The following C12orf42 variants were observed in gnomAD, a reference collection of about 807,000 sequenced individuals.
C12orf42 encodes chromosome 12 open reading frame 42, also known as uncharacterized protein C12orf42.
A neutral mutation model predicts 21.6 loss-of-function variants in C12orf42; 25 were observed. The observed-to-expected ratio is 1.16, with a 90% CI of 0.84 to 1.62. The LOEUF is 1.62. Ranked by LOEUF, C12orf42 falls within the 40% of genes most tolerant of loss-of-function variation. The probability of loss-of-function intolerance (pLI) is 0.00; values close to 1 mark genes in which losing one functional copy is unlikely to be tolerated. For missense variants in C12orf42, 483 were observed against 459.3 expected (o/e 1.05, Z -0.47); for synonymous variants, 174 against 175.0 (o/e 0.99, Z 0.05).
chr12:103,561,850 A>C, the C12orf42 span, among the ~76,000 whole-genome samples: 5 of 152,240 alleles, frequency 3.3e-5, no homozygotes, highest in Middle Eastern at 3.4e-3. Context: ...GACTTTTCAA[A>C]TGTTTTGATC....
the C12orf42 span, among the ~76,000 whole-genome samples, chr12:103,536,858 C>T: frequency 6.6e-6 from 1 of 152,140 alleles, no homozygotes; most frequent in African/African-American, 2.4e-5. Context: ...CTTAAAATTC[C>T]AGTTTCTCCT....
In C12orf42 at chr12:103,403,269, C is replaced by T. The variant is rs188403114; in HGVS notation, c.79-1594G>A. ...CGGGCGCCTGTAGTCCCAGCTGCTC[C>T]GGAGGCTGAGGCAGGGGAATGGCGT... On this transcript the variant is annotated intron_variant, in intron 2 of 5. Coordinates refer to ENST00000548883, the MANE Select transcript of C12orf42 (RefSeq NM_198521.5). 7.2e-4 allele frequency among the ~76,000 whole-genome samples: 109 copies of T among 151,598 alleles called. 1 individual carries two copies. The highest frequency in any genetic ancestry group is 7.2e-4 in the Non-Finnish European group (49 of 67,886).
chr12:103,120,216 T>G, the C12orf42 span, among the ~76,000 whole-genome samples: 1 of 152,194 alleles, frequency 6.6e-6, no homozygotes, highest in East Asian at 1.9e-4. Flanking sequence ...AGGAGTGTTT[T>G]GGGGCAATGT....
chr12:103,214,634 T>C, the C12orf42 span, among the ~76,000 whole-genome samples: 2 of 152,204 alleles, frequency 1.3e-5, no homozygotes, highest in African/African-American at 4.8e-5. Context: ...GAAAATCAAG[T>C]TCTCCCCAGG....
intron 10 of C12orf42, among the ~76,000 whole-genome samples, chr12:103,251,569 G>A (rs192703833): frequency 4.6e-4 from 70 of 152,232 alleles, no homozygotes; most frequent in Non-Finnish European, 4.3e-4. Flanking sequence ...TATACGTTCT[G>A]TAGAAAGGAC....
At chr12:103,490,536 T>C (rs1337084035) in intron 1 of C12orf42, among the ~76,000 whole-genome samples, 1 of 152,074 alleles carries the variant, frequency 6.6e-6, no homozygotes, top group Non-Finnish European at 1.5e-5. Context: ...GCAATGTTAT[T>C]TGCAATTAGT....
At chr12:103,141,376 GCAAA>G in the C12orf42 span, among the ~76,000 whole-genome samples, 4 of 152,062 alleles carry the variant, frequency 2.6e-5, no homozygotes, top group African/African-American at 7.2e-5. Flanking sequence ...CAGCTAGTTG[GCAAA>G]CAAATATTAA....
chr12:103,312,322 C>A (rs147254310), intron 4 of C12orf42, among the ~76,000 whole-genome samples: 1 of 152,106 alleles, frequency 6.6e-6, no homozygotes, highest in Non-Finnish European at 1.5e-5. Flanking sequence ...CTTGATGAAG[C>A]GAGGTGGATG....
At chr12:103,537,159 T>C in the C12orf42 span, among the ~76,000 whole-genome samples, 1 of 152,160 alleles carries the variant, frequency 6.6e-6, no homozygotes, top group Non-Finnish European at 1.5e-5. Context: ...TACATGGTGT[T>C]TTTTATTTAT....
the C12orf42 span, among the ~76,000 whole-genome samples, chr12:103,514,747 G>A: frequency 1.1e-4 from 17 of 151,494 alleles, no homozygotes; most frequent in East Asian, 1.3e-3. Flanking sequence ...TTCTATACAA[G>A]ATAAATAGTA....
the C12orf42 span, among the ~76,000 whole-genome samples, chr12:103,510,845 C>T: frequency 2.8e-4 from 42 of 152,108 alleles, no homozygotes; most frequent in Non-Finnish European, 5.0e-4. Context: ...ATCCTTAATC[C>T]CAGCTGCACA....
At chr12:103,176,191 C>T in the C12orf42 span, among the ~76,000 whole-genome samples, 2 of 152,132 alleles carry the variant, frequency 1.3e-5, no homozygotes, top group African/African-American at 4.8e-5. Flanking sequence ...AAGGGAATTG[C>T]TATTCTGTCC....
intron 4 of C12orf42, among the ~76,000 whole-genome samples, chr12:103,310,162 C>G (rs1274845254): frequency 1.3e-5 from 2 of 152,196 alleles, no homozygotes; most frequent in African/African-American, 4.8e-5. Flanking sequence ...TGGTTTAGCA[C>G]TATCCCTCTG....
At chr12:103,538,475 G>A in the C12orf42 span, among the ~76,000 whole-genome samples, 2 of 152,212 alleles carry the variant, frequency 1.3e-5, no homozygotes, top group Non-Finnish European at 2.9e-5. Context: ...CTTAGAAGGT[G>A]TCCATTTAGA....
intron 2 of C12orf42, among the ~76,000 whole-genome samples, chr12:103,446,903 C>T (rs963283667): frequency 7.2e-5 from 11 of 151,888 alleles, no homozygotes; most frequent in African/African-American, 2.7e-4. Context: ...GATGGCAACA[C>T]AACAATAGTG....
At chr12:103,461,679 A>T (rs1952711967) in intron 2 of C12orf42, among the ~76,000 whole-genome samples, 1 of 152,174 alleles carries the variant, frequency 6.6e-6, no homozygotes, top group Non-Finnish European at 1.5e-5. Flanking sequence ...GACCTGGAAT[A>T]AGTCACCTAA....
chr12:103,237,756 C>T (rs1466151822), exon 11 of C12orf42: 1 of 152,168 alleles, frequency 6.6e-6, no homozygotes, highest in Non-Finnish European at 1.5e-5. Flanking sequence ...CTTTCTCATC[C>T]TTCATTGGTT....
the C12orf42 span, among the ~76,000 whole-genome samples, chr12:103,069,707 A>G: frequency 6.6e-6 from 1 of 152,204 alleles, no homozygotes; most frequent in African/African-American, 2.4e-5. Context: ...TCCTATAACT[A>G]GACCAACTAG....
chr12:103,309,662 G>A (rs1188257648), intron 4 of C12orf42, among the ~76,000 whole-genome samples: 2 of 152,170 alleles, frequency 1.3e-5, no homozygotes, highest in African/African-American at 4.8e-5. Context: ...ATAGAAAAGA[G>A]GGAAAACCAG....
Sources: gnomAD v4.1 joint callset for allele counts (sites outside exome capture counted in the v4.1 genomes callset) on GRCh38, gnomAD v4.1.1 for gene constraint, MANE v1.5 for transcripts, NCBI Gene and HGNC (gene_info 2026-07-23, HGNC 2026-07-21) for gene names.